Variants in ANKS1B observed in about 807,000 individuals in gnomAD.
ANKS1B encodes the protein ankyrin repeat and sterile alpha motif domain-containing protein 1B.
Under a neutral mutation model 148.3 loss-of-function variants are expected in ANKS1B, and 36 were observed. That is an observed-to-expected ratio of 0.24 (90% CI 0.19 to 0.32). The LOEUF (loss-of-function observed/expected upper bound fraction) is 0.32, where lower values mean the gene tolerates loss of function less well. ANKS1B is among the 10% of genes least tolerant of loss of function. The pLI, the probability that ANKS1B is intolerant of heterozygous loss-of-function variation, is 1.00. For missense variants in ANKS1B, 1,157 were observed against 1,542.6 expected (o/e 0.75, Z 4.19); for synonymous variants, 542 against 560.8 (o/e 0.97, Z 0.47).
chr12:99,964,564 C>G (rs2095460996), intron 1 of ANKS1B, among the ~76,000 whole-genome samples: 1 of 152,138 alleles, frequency 6.6e-6, no homozygotes, highest in Admixed American at 6.5e-5. Flanking sequence ...CGTACCATAG[C>G]CTAAGTGAGA....
rs191787792 is a variant in ANKS1B, at chr12:99,784,423, T to C, written c.670-2326A>G. 1.6e-3 allele frequency among the ~76,000 whole-genome samples: 246 copies of C among 152,234 alleles called. 1 individual carries two copies. Among genetic ancestry groups the C allele is most frequent in the African/African-American group, 5.4e-3 (223 of 41,540 alleles). On this transcript the variant is annotated intron_variant, in intron 4 of 26. Coordinates refer to ENST00000683438, the MANE Select transcript of ANKS1B (RefSeq NM_001352186.2). Reference sequence around the variant, plus strand: ...TCCTGACCTCATGATCCACCCGTCTTGGCCTCCCAAAGTGCTGGGATTACA... The same window carrying C: ...TCCTGACCTCATGATCCACCCGTCTCGGCCTCCCAAAGTGCTGGGATTACA...
rs577740574 is a variant in ANKS1B at position 99,470,920 on chromosome 12, C to T, written c.1439-27111G>A. On this transcript the variant is annotated intron_variant, in intron 10 of 26. Coordinates refer to ENST00000683438, the MANE Select transcript of ANKS1B (RefSeq NM_001352186.2). ...ATTATTACCATATGAACATATATTT[C>T]CTTTGAAATGCTATCATGTTCTTCA... is the stretch of plus-strand genomic sequence containing the variant. Among the ~76,000 whole-genome samples the T allele has an allele frequency of 4.1e-4, 62 of 152,158 alleles. 2 individuals are homozygous for T. In the Middle Eastern group the frequency reaches 0.014, roughly 33 times the overall value.
At chr12:99,535,300 GAT>G (rs2097054328) in intron 9 of ANKS1B, among the ~76,000 whole-genome samples, 1 of 152,096 alleles carries the variant, frequency 6.6e-6, no homozygotes, top group Non-Finnish European at 1.5e-5. Flanking sequence ...TGGCTTCTAA[GAT>G]CCAGTCCATC....
intron 8 of ANKS1B, among the ~76,000 whole-genome samples, chr12:99,727,472 G>A (rs2058724726): frequency 6.6e-6 from 1 of 152,080 alleles, no homozygotes; most frequent in Non-Finnish European, 1.5e-5. Flanking sequence ...ACAAACCACT[G>A]CTCAAGGAAA....
chr12:99,859,833 A>T (rs1333660377), intron 1 of ANKS1B, among the ~76,000 whole-genome samples: 1 of 152,108 alleles, frequency 6.6e-6, no homozygotes, highest in Non-Finnish European at 1.5e-5. Flanking sequence ...GTTTTAGTAG[A>T]TACAGGGTTT....
chr12:99,064,238 T>C (rs1190723592), intron 16 of ANKS1B, among the ~76,000 whole-genome samples: 2 of 152,222 alleles, frequency 1.3e-5, no homozygotes, highest in Non-Finnish European at 1.5e-5. Context: ...CTCAATGTTC[T>C]AGGTTTTCTA....
At chr12:99,234,687 G>C (rs1290847074) in intron 14 of ANKS1B, among the ~76,000 whole-genome samples, 1 of 151,752 alleles carries the variant, frequency 6.6e-6, no homozygotes, top group Non-Finnish European at 1.5e-5. Flanking sequence ...TCTGTCAATG[G>C]GGAAACTGAG....
intron 11 of ANKS1B, among the ~76,000 whole-genome samples, chr12:99,441,194 C>T (rs2095544413): frequency 6.6e-6 from 1 of 151,718 alleles, no homozygotes; most frequent in South Asian, 2.1e-4. Flanking sequence ...GAGTATTAAA[C>T]CTGTGATTAA....
At chr12:99,852,413 T>A (rs1263226868) in intron 1 of ANKS1B, among the ~76,000 whole-genome samples, 1 of 152,238 alleles carries the variant, frequency 6.6e-6, no homozygotes, top group Admixed American at 6.5e-5. Flanking sequence ...GCTATAAATA[T>A]GCATTCACTT....
chr12:98,786,792 C>T (rs982492255), intron 22 of ANKS1B, among the ~76,000 whole-genome samples: 3 of 152,212 alleles, frequency 2.0e-5, no homozygotes, highest in African/African-American at 4.8e-5. Flanking sequence ...ATCATCAGCA[C>T]AGACAGGGAA....
chr12:99,138,238 AT>A (rs1481057217), intron 15 of ANKS1B, among the ~76,000 whole-genome samples: 3 of 152,270 alleles, frequency 2.0e-5, no homozygotes, highest in African/African-American at 7.2e-5. Context: ...GAAAGTGAGG[AT>A]TATTGCTTTA....
chr12:99,331,764 C>A (rs2087603989), intron 12 of ANKS1B, among the ~76,000 whole-genome samples: 1 of 151,886 alleles, frequency 6.6e-6, no homozygotes, highest in South Asian at 2.1e-4. Flanking sequence ...AGGGTTTGGG[C>A]AATGAGGCAG....
chr12:99,247,754 C>T (rs1259920504), intron 12 of ANKS1B, among the ~76,000 whole-genome samples: 1 of 151,992 alleles, frequency 6.6e-6, no homozygotes, highest in Non-Finnish European at 1.5e-5. Flanking sequence ...AAAAACCTGG[C>T]CAAAGAATTT....
chr12:98,747,403 G>A (rs901833455), intron 26 of ANKS1B, among the ~76,000 whole-genome samples: 17 of 152,018 alleles, frequency 1.1e-4, no homozygotes, highest in African/African-American at 4.1e-4. Flanking sequence ...AATGTGATAC[G>A]ATCTCACCCC....
At chr12:99,462,755 T>C (rs2096004608) in intron 10 of ANKS1B, among the ~76,000 whole-genome samples, 2 of 152,078 alleles carry the variant, frequency 1.3e-5, no homozygotes, top group African/African-American at 4.8e-5. Flanking sequence ...TACTGGGAGG[T>C]GTTTGCATTA....
chr12:98,740,480 G>C (rs1329629470), downstream of ANKS1B, among the ~76,000 whole-genome samples: 1 of 152,232 alleles, frequency 6.6e-6, no homozygotes, highest in Non-Finnish European at 1.5e-5. Context: ...TAACCCAGCT[G>C]TGGGGATCTT....
intron 17 of ANKS1B, among the ~76,000 whole-genome samples, chr12:98,896,923 T>C (rs761227604): frequency 8.5e-5 from 13 of 152,228 alleles, no homozygotes; most frequent in Non-Finnish European, 8.8e-5. Flanking sequence ...CTTGTGGATA[T>C]TGTTCTCTGA....
chr12:98,798,723 A>G (rs2098974360), intron 22 of ANKS1B, among the ~76,000 whole-genome samples: 1 of 152,216 alleles, frequency 6.6e-6, no homozygotes, highest in African/African-American at 2.4e-5. Context: ...CAAATATAGT[A>G]CAAATATAGC....
At chr12:99,962,684 A>G (rs1339309055) in intron 1 of ANKS1B, among the ~76,000 whole-genome samples, 1 of 151,348 alleles carries the variant, frequency 6.6e-6, no homozygotes, top group African/African-American at 2.4e-5. Flanking sequence ...AAAGCTTCCT[A>G]TTTCTCCACA....
Sources: gnomAD v4.1 joint callset for allele counts (sites outside exome capture counted in the v4.1 genomes callset) on GRCh38, gnomAD v4.1.1 for gene constraint, MANE v1.5 for transcripts, NCBI Gene and HGNC (gene_info 2026-07-23, HGNC 2026-07-21) for gene names.